ARMC1: variants seen among roughly 807,000 people sequenced by gnomAD.
ARMC1 encodes the protein armadillo repeat-containing protein 1.
In ARMC1, 16 loss-of-function variants were observed where a neutral mutation model predicts 31.4. The ratio of observed to expected loss-of-function variants is 0.51; its 90% CI spans 0.34 to 0.77. The LOEUF (loss-of-function observed/expected upper bound fraction) is 0.77. ARMC1 is among the 30% of genes least tolerant of loss of function. The pLI is 0.01. For missense variants in ARMC1, 259 were observed against 347.5 expected, an observed-to-expected ratio of 0.75 and a Z score of 2.02; for synonymous variants, 114 against 118.9, an observed-to-expected ratio of 0.96 and a Z score of 0.27.
intron 4 of ARMC1, among the ~76,000 whole-genome samples, chr8:65,607,959 C>T (rs1395855283): frequency 1.3e-5 from 2 of 151,996 alleles, no homozygotes; most frequent in Non-Finnish European, 2.9e-5. Context: ...CTCTTCCTAG[C>T]TGTTTGTTTT....
At chr8:65,608,319 G>A (rs1372946554) in intron 4 of ARMC1, among the ~76,000 whole-genome samples, 5 of 152,288 alleles carry the variant, frequency 3.3e-5, no homozygotes, top group African/African-American at 1.2e-4. Flanking sequence ...CTGAGGTCAG[G>A]AGTTCAAGAC....
chr8:65,614,218 C>T (rs1190278181), intron 3 of ARMC1, among the ~76,000 whole-genome samples: 1 of 152,122 alleles, frequency 6.6e-6, no homozygotes, highest in Non-Finnish European at 1.5e-5. Flanking sequence ...TTACATATTA[C>T]AAATTATGTG....
At chr8:65,622,177 C>T in intron 3 of ARMC1, 86 bp downstream of exon 3, 4 of 1,062,348 alleles carry the variant, frequency 3.8e-6, no homozygotes, top group Non-Finnish European at 4.2e-6. Flanking sequence ...ATCGCTTGAA[C>T]CCAGCATGGG....
intron 3 of ARMC1, 121 bp downstream of exon 3, chr8:65,622,142 C>A (rs777583034): frequency 1.4e-6 from 1 of 706,238 alleles, no homozygotes; most frequent in Non-Finnish European, 2.4e-6. Context: ...ATAATTCCAG[C>A]ACTTTGGAAA....
At chr8:65,612,975 G>C (rs77042052) in intron 4 of ARMC1, among the ~76,000 whole-genome samples, 22 of 152,254 alleles carry the variant, frequency 1.4e-4, no homozygotes, top group Non-Finnish European at 2.9e-4. Flanking sequence ...CCTGTATTGA[G>C]AGAGTTGTGT....
At chr8:65,618,186 T>G (rs1464173648) in intron 3 of ARMC1, among the ~76,000 whole-genome samples, 1 of 151,566 alleles carries the variant, frequency 6.6e-6, no homozygotes, top group East Asian at 2.0e-4. Flanking sequence ...AATGCTGAGA[T>G]TACCGGCATG....
chr8:65,608,384 C>A (rs189745612), intron 4 of ARMC1, among the ~76,000 whole-genome samples: 1 of 151,926 alleles, frequency 6.6e-6, no homozygotes, highest in Non-Finnish European at 1.5e-5. Context: ...AAAAAATTAG[C>A]GGGGCGTGGT....
intron 2 of ARMC1, among the ~76,000 whole-genome samples, chr8:65,623,347 G>A (rs1164616292): frequency 1.4e-4 from 21 of 144,956 alleles, no homozygotes; most frequent in Admixed American, 7.8e-4. Context: ...AGTGGCTCAC[G>A]GCTGTAATCC....
rs967905039 is a variant in ARMC1 at position 65,631,905 on chromosome 8, A to C, written c.-36+2093T>G. On this transcript the variant is annotated intron_variant, in intron 1 of 6. Transcript: ENST00000276569. ...TCTTAAAAAAAAAAAAAAAAAGTCT[A>C]TCTTCATAGGTTGGAAAAAATGATT... Among the ~76,000 whole-genome samples the C allele has an allele frequency of 4.3e-5, 6 of 138,946 alleles. No individual in the cohort carries two copies. In the East Asian group the frequency reaches 1.2e-3, roughly 29 times the overall value. 91.2% of individuals were successfully genotyped at this position (138,946 alleles called of 152,430 possible).
At chr8:65,610,137 G>A (rs911347009) in intron 4 of ARMC1, among the ~76,000 whole-genome samples, 1 of 151,832 alleles carries the variant, frequency 6.6e-6, no homozygotes, top group Non-Finnish European at 1.5e-5. Flanking sequence ...TCGCCCTGTC[G>A]CCCAGGCTGG....
At chr8:65,625,518 T>C (rs1315014609) in intron 2 of ARMC1, among the ~76,000 whole-genome samples, 1 of 152,220 alleles carries the variant, frequency 6.6e-6, no homozygotes, top group Non-Finnish European at 1.5e-5. Flanking sequence ...CTAGTAGCCC[T>C]TGCCCTCTGA....
intron 6 of ARMC1, 65 bp from the exon 7 acceptor site, chr8:65,604,650 T>C: frequency 6.9e-7 from 1 of 1,449,008 alleles, no homozygotes; most frequent in Non-Finnish European, 9.4e-7. Context: ...ATTACCGTGG[T>C]TATTCTCAGG....
intron 4 of ARMC1, among the ~76,000 whole-genome samples, chr8:65,607,716 C>T (rs894835135): frequency 6.6e-6 from 1 of 152,174 alleles, no homozygotes; most frequent in Non-Finnish European, 1.5e-5. Context: ...GTTCCAAAAT[C>T]ATCAGACTGA....
rs1807981558 is a variant in ARMC1, at chr8:65,605,401, TCA to T, written c.582+19_582+20del. The T allele has an allele frequency of 6.2e-7, 1 of 1,612,916 alleles. No homozygotes were observed. Among genetic ancestry groups the T allele is most frequent in the Middle Eastern group, 1.7e-4 (1 of 6,058 alleles). On this transcript the variant is annotated intron_variant, in intron 5 of 6. Coordinates refer to ENST00000276569, the MANE Select transcript of ARMC1 (RefSeq NM_018120.6). ...TGTTTACCTGTAATCTCAAGCATAT[TCA>T]GTCTTTTAAAATACTTACCTCAGCT...
intron 4 of ARMC1, among the ~76,000 whole-genome samples, chr8:65,611,085 T>A (rs1808130316): frequency 6.6e-6 from 1 of 151,798 alleles, no homozygotes; most frequent in South Asian, 2.1e-4. Flanking sequence ...AGGCCTACAC[T>A]ATCACACCTG....
intron 3 of ARMC1, among the ~76,000 whole-genome samples, chr8:65,615,502 C>G (rs540218893): frequency 6.6e-6 from 1 of 151,276 alleles, no homozygotes; most frequent in Non-Finnish European, 1.5e-5. Flanking sequence ...GTTAGGAGTT[C>G]GAGCCCAGCC....
Position 65,627,002 on chromosome 8 carries a change from C to CA in ARMC1, c.183+213dup, listed in dbSNP as rs139404458. ...CAGTGTACTCCAGGCCTAGATGACT[C>CA]AAAAAAAAAAAAATAAAGAATAAAA... On this transcript the variant is annotated intron_variant, in intron 2 of 6. Transcript: ENST00000276569. Among the ~76,000 whole-genome samples the CA allele has an allele frequency of 2.8e-3, 393 of 137,938 alleles. 3 individuals carry two copies. Among genetic ancestry groups the CA allele is most frequent in the East Asian group, 0.011 (52 of 4,698 alleles). 90.5% of individuals were successfully genotyped at this position (137,938 alleles called of 152,430 possible).
At chr8:65,618,383 G>A (rs1162031861) in intron 3 of ARMC1, among the ~76,000 whole-genome samples, 5 of 151,784 alleles carry the variant, frequency 3.3e-5, no homozygotes, top group African/African-American at 9.7e-5. Context: ...TTAGCCGGGC[G>A]TGGTGGCGGG....
Position 65,634,175 on chromosome 8 carries a change from T to G in ARMC1, c.-213A>C, listed in dbSNP as rs979971460. Reference sequence around the variant, plus strand: ...AGCGAAGGCGCTGGCGGGCAAAGGCTCTGCAGACTCTTCCCAGGTGACCTG... The same window carrying G: ...AGCGAAGGCGCTGGCGGGCAAAGGCGCTGCAGACTCTTCCCAGGTGACCTG... On this transcript the variant is annotated 5_prime_UTR_variant, in exon 1 of 7. Transcript: ENST00000276569. The G allele has an allele frequency of 6.6e-6, 1 of 152,284 alleles. No homozygotes were observed. Among genetic ancestry groups the G allele is most frequent in the South Asian group, 2.1e-4 (1 of 4,826 alleles). 9.4% of individuals were successfully genotyped at this position (152,284 alleles called of 1,614,324 possible).
Sources: allele counts gnomAD v4.1 joint callset (sites outside exome capture counted in the v4.1 genomes callset), GRCh38; gene constraint gnomAD v4.1.1; transcripts MANE v1.5; gene names NCBI Gene and HGNC (gene_info 2026-07-23, HGNC 2026-07-21).